SGPL1: variants seen among roughly 807,000 people sequenced by gnomAD.
SGPL1 encodes the protein SP-lyase 1.
In SGPL1, 37 loss-of-function variants were observed where a neutral mutation model predicts 68.9. That is an observed-to-expected ratio of 0.54 (90% CI 0.41 to 0.71). The LOEUF (loss-of-function observed/expected upper bound fraction) is 0.71, where lower values mean the gene tolerates loss of function less well. SGPL1 is among the 30% of genes least tolerant of loss of function. The pLI, the probability that SGPL1 is intolerant of heterozygous loss-of-function variation, is 0.00. For synonymous variants in SGPL1, 236 were observed against 248.5 expected, an observed-to-expected ratio of 0.95 and a Z score of 0.47; for missense variants, 551 against 704.6, an observed-to-expected ratio of 0.78 and a Z score of 2.47.
At chr10:70,834,067 G>A (rs181225261) in intron 2 of SGPL1, among the ~76,000 whole-genome samples, 184 of 152,180 alleles carry the variant, frequency 1.2e-3, no homozygotes, top group Middle Eastern at 3.4e-3. Flanking sequence ...CGTGAATACC[G>A]GGTAGCCATT....
chr10:70,839,118 C>T (rs908268458), intron 2 of SGPL1, among the ~76,000 whole-genome samples: 3 of 152,048 alleles, frequency 2.0e-5, no homozygotes, highest in African/African-American at 7.2e-5. Context: ...TTTTGTCTAA[C>T]GATTAGGATT....
chr10:70,876,208 T>C (rs527752564), intron 13 of SGPL1, among the ~76,000 whole-genome samples: 1 of 152,310 alleles, frequency 6.6e-6, no homozygotes, highest in East Asian at 1.9e-4. Context: ...ACATGGGGGC[T>C]GATTATCTAA....
chr10:70,868,346 T>A lies in SGPL1; in HGVS notation c.617T>A (p.Val206Glu). 1 of 1,607,106 alleles carries A rather than the reference T, an allele frequency of 6.2e-7. No individual in the cohort carries two copies. The highest frequency in any genetic ancestry group is 8.5e-7 in the Non-Finnish European group (1 of 1,176,562). Residue 206 changes from valine (V) to glutamate (E), a missense_variant and splice_region_variant, in exon 8 of 15, where the codon GTG becomes GAG. Transcript: ENST00000373202. Reference protein sequence around the residue: ...FNGGPDSCGCVTSGGTESILM... With the variant: ...FNGGPDSCGCETSGGTESILM... ...GATGGCATCTCTTCTTTATTATAGGTGACTTCTGGGGGAACAGAAAGCATA... is the reference window on the plus strand; with the variant it reads ...GATGGCATCTCTTCTTTATTATAGGAGACTTCTGGGGGAACAGAAAGCATA...
intron 3 of SGPL1, among the ~76,000 whole-genome samples, chr10:70,847,616 AT>A (rs1401876093): frequency 6.6e-6 from 1 of 152,160 alleles, no homozygotes; most frequent in Non-Finnish European, 1.5e-5. Context: ...ACCATACAAA[AT>A]GTAATTTTGT....
chr10:70,830,746 AT>A (rs1249679545), intron 2 of SGPL1, among the ~76,000 whole-genome samples: 1 of 152,184 alleles, frequency 6.6e-6, no homozygotes, highest in Non-Finnish European at 1.5e-5. Flanking sequence ...ATTATATAAG[AT>A]TTTATGTTCA....
chr10:70,852,620 T>A (rs1845901818), intron 4 of SGPL1, among the ~76,000 whole-genome samples: 1 of 152,186 alleles, frequency 6.6e-6, no homozygotes, highest in Non-Finnish European at 1.5e-5. Flanking sequence ...AATTGGAAGA[T>A]CCTTAGCTTG....
rs1408267195 is a variant in SGPL1 at position 70,873,498 on chromosome 10, G to A, written c.1207G>A (p.Ala403Thr). The A allele has an allele frequency of 1.2e-6, 2 of 1,614,136 alleles. No homozygotes were observed. The highest frequency in any genetic ancestry group is 1.7e-5 in the Admixed American group (1 of 60,016). The change falls in exon 12 of 15, where the codon GCC becomes ACC. Residue 403 changes from alanine (A) to threonine (T), a missense_variant. Coordinates refer to ENST00000373202, the MANE Select transcript of SGPL1 (RefSeq NM_003901.4). ...CTCACGGCCTGGTGGCATTAGCGCA[G>A]CCTGTTGGGCTGCCTTGATGCACTT... ...AGSRPGGISAACWAALMHFGE... is the reference protein window; with the variant it reads ...AGSRPGGISATCWAALMHFGE...
intron 5 of SGPL1, among the ~76,000 whole-genome samples, chr10:70,856,815 G>A (rs1845972065): frequency 6.6e-6 from 1 of 152,288 alleles, no homozygotes; most frequent in South Asian, 2.1e-4. Flanking sequence ...GGGCACAGCT[G>A]CATTGTAGCA....
At chr10:70,862,779 G>A (rs999120589) in intron 7 of SGPL1, among the ~76,000 whole-genome samples, 5 of 152,038 alleles carry the variant, frequency 3.3e-5, no homozygotes, top group South Asian at 2.1e-4. Context: ...AAGAAATTCC[G>A]GACACATCCG....
rs1846241684 is a variant in SGPL1, at chr10:70,868,860, T to TC, written c.704+427_704+428insC. On this transcript the variant is annotated intron_variant, in intron 8 of 14. Transcript: ENST00000373202. Reference sequence around the variant, plus strand: ...CCTCAGGGTACTCTCTGGGAAAACTTTAGTGTGAGGGCTGTTTTCTGGGAG... The same window carrying TC: ...CCTCAGGGTACTCTCTGGGAAAACTTCTAGTGTGAGGGCTGTTTTCTGGGAG... 2.0e-5 allele frequency among the ~76,000 whole-genome samples: 3 copies of TC among 152,272 alleles called. No individual in the cohort carries two copies. In the South Asian group the frequency reaches 6.2e-4, roughly 32 times the overall value.
chr10:70,857,637 G>A lies in SGPL1; in HGVS notation c.433G>A (p.Ala145Thr), dbSNP rs1280033635. The change falls in exon 6 of 15, where the codon GCC becomes ACC. Residue 145 changes from alanine (A) to threonine (T), a missense_variant. Transcript: ENST00000373202. ...AGACGCCTTCTGGCAAGAGGGGAGA[G>A]CCTCTGGAACAGTGTACAGTGGGGA... Reference protein sequence around the residue: ...SMDAFWQEGRASGTVYSGEEK... With the variant: ...SMDAFWQEGRTSGTVYSGEEK... 5 of 1,613,510 alleles carry A rather than the reference G, an allele frequency of 3.1e-6. No homozygotes were observed. Among genetic ancestry groups the A allele is most frequent in the Non-Finnish European group, 4.2e-6 (5 of 1,179,580 alleles).
At chr10:70,860,108 A>T (rs1299930695) in intron 7 of SGPL1, among the ~76,000 whole-genome samples, 1 of 152,256 alleles carries the variant, frequency 6.6e-6, no homozygotes, top group Non-Finnish European at 1.5e-5. Flanking sequence ...TATTTAAAGA[A>T]ACACATGAGG....
intron 2 of SGPL1, among the ~76,000 whole-genome samples, chr10:70,836,066 T>A (rs1200315797): frequency 6.6e-6 from 1 of 152,236 alleles, no homozygotes; most frequent in Non-Finnish European, 1.5e-5. Flanking sequence ...CACTGTGCAG[T>A]AATCCACTGA....
chr10:70,862,098 C>T (rs1846073534), intron 7 of SGPL1, among the ~76,000 whole-genome samples: 1 of 152,050 alleles, frequency 6.6e-6, no homozygotes, highest in African/African-American at 2.4e-5. Context: ...GGTGCGGGAT[C>T]CACTGGGTGA....
intron 2 of SGPL1, among the ~76,000 whole-genome samples, chr10:70,838,743 C>T (rs12263714): frequency 0.34 from 52,286 of 151,834 alleles, 9,333 homozygotes; most frequent in South Asian, 0.5. Context: ...GTATATCAAG[C>T]GTTAAAGAAG....
intron 2 of SGPL1, among the ~76,000 whole-genome samples, chr10:70,834,412 G>A (rs1431976202): frequency 2.0e-5 from 3 of 152,140 alleles, no homozygotes; most frequent in Non-Finnish European, 4.4e-5. Context: ...ATTAGTCTGT[G>A]GCCTCAGTTT....
chr10:70,840,796 G>A (rs1845701607), intron 2 of SGPL1, among the ~76,000 whole-genome samples: 1 of 152,122 alleles, frequency 6.6e-6, no homozygotes, highest in Admixed American at 6.5e-5. Context: ...TGTTAGTGAG[G>A]AATGTCTTTA....
intron 2 of SGPL1, among the ~76,000 whole-genome samples, chr10:70,839,567 A>G (rs112846718): frequency 0.041 from 6,313 of 152,214 alleles, 216 homozygotes; most frequent in Non-Finnish European, 0.062. Flanking sequence ...ATAAAGATTG[A>G]TGAAATAATT....
chr10:70,821,396 T>C (rs1845335733), intron 2 of SGPL1, among the ~76,000 whole-genome samples: 1 of 152,190 alleles, frequency 6.6e-6, no homozygotes, highest in Admixed American at 6.5e-5. Flanking sequence ...TAGGTGGCTT[T>C]TTTCTTTTCT....
Sources: gnomAD v4.1 joint callset for allele counts (sites outside exome capture counted in the v4.1 genomes callset) on GRCh38, gnomAD v4.1.1 for gene constraint, MANE v1.5 for transcripts, NCBI Gene and HGNC (gene_info 2026-07-23, HGNC 2026-07-21) for gene names.